The following RAB33A variants were observed in gnomAD, a reference collection of about 807,000 sequenced individuals.
The protein encoded by RAB33A is ras-related protein Rab-33A.
In RAB33A, 6 loss-of-function variants were observed where a neutral mutation model predicts 12.0. The observed-to-expected ratio is 0.50, with a 90% confidence interval of 0.27 to 0.99. The LOEUF (loss-of-function observed/expected upper bound fraction) is 0.99, where lower values mean the gene tolerates loss of function less well. RAB33A is among the 50% of genes least tolerant of loss of function. The pLI, the probability that RAB33A is intolerant of heterozygous loss-of-function variation, is 0.11. For synonymous variants in RAB33A, 70 were observed against 82.4 expected (o/e 0.85, Z 0.81); for missense variants, 109 against 192.0 (o/e 0.57, Z 2.55).
At chrX:130,113,201 C>T in the RAB33A span, among the ~76,000 whole-genome samples, 1 of 104,047 alleles carries the variant, frequency 9.6e-6, no homozygotes, top group Non-Finnish European at 2.0e-5. Flanking sequence ...CTGCCTCAGC[C>T]TCCTGAGTAG....
the RAB33A span, among the ~76,000 whole-genome samples, chrX:130,145,064 A>G: frequency 3.6e-5 from 4 of 112,587 alleles, no homozygotes; most frequent in African/African-American, 1.3e-4. Flanking sequence ...ATACCTGCTA[A>G]TAACTGACCT....
chrX:130,149,565 A>G, the RAB33A span: 12 of 1,186,074 alleles, frequency 1.0e-5, no homozygotes, highest in Non-Finnish European at 1.4e-5. Context: ...ATAGTCTTGT[A>G]GGCCTGCGGA....
the RAB33A span, among the ~76,000 whole-genome samples, chrX:130,110,895 A>G: frequency 2.5e-3 from 198 of 78,262 alleles, no homozygotes; most frequent in Non-Finnish European, 4.0e-3. Context: ...GAAATGCAGT[A>G]GAGACACACA....
chrX:130,157,448 G>C, the RAB33A span, among the ~76,000 whole-genome samples: 1 of 111,699 alleles, frequency 9.0e-6, no homozygotes, highest in South Asian at 3.7e-4. Flanking sequence ...TCAACCTAGA[G>C]CAGCAAATTT....
chrX:130,176,866 G>A (rs913861991), intron 1 of RAB33A, among the ~76,000 whole-genome samples: 6 of 111,665 alleles, frequency 5.4e-5, no homozygotes, highest in African/African-American at 2.0e-4. Flanking sequence ...GGTTACAGAT[G>A]TATTTGTCTC....
the RAB33A span, among the ~76,000 whole-genome samples, chrX:130,142,844 C>T: frequency 9.0e-6 from 1 of 111,131 alleles, no homozygotes; most frequent in African/African-American, 3.3e-5. Flanking sequence ...TGTGTTTTCA[C>T]CATGTTGGCC....
the RAB33A span, among the ~76,000 whole-genome samples, chrX:130,165,346 G>A: frequency 8.9e-6 from 1 of 112,292 alleles, no homozygotes; most frequent in African/African-American, 3.2e-5. Flanking sequence ...CGACTACTGG[G>A]TTCAAATCTC....
At chrX:130,114,301 C>T in the RAB33A span, among the ~76,000 whole-genome samples, 1 of 111,949 alleles carries the variant, frequency 8.9e-6, no homozygotes, top group Non-Finnish European at 1.9e-5. Flanking sequence ...AACCACAGCC[C>T]CATGATCTGC....
At chrX:130,122,609 C>T in the RAB33A span, among the ~76,000 whole-genome samples, 1 of 111,886 alleles carries the variant, frequency 8.9e-6, no homozygotes, top group Admixed American at 9.5e-5. Flanking sequence ...AAGGCTTGGG[C>T]TTATATAGCA....
At chrX:130,166,991 G>A (rs2031543767), upstream of RAB33A, among the ~76,000 whole-genome samples, 2 of 111,933 alleles carry the variant, frequency 1.8e-5, no homozygotes, top group South Asian at 7.3e-4. Flanking sequence ...GACATATACC[G>A]GTCATTGAAA....
chrX:130,138,397 G>A, the RAB33A span, among the ~76,000 whole-genome samples: 19 of 111,376 alleles, frequency 1.7e-4, no homozygotes, highest in African/African-American at 2.0e-4. Flanking sequence ...CCCGGGAAGC[G>A]GAGCTTGCAG....
At chrX:130,165,976 C>T in the RAB33A span, 4 of 332,625 alleles carry the variant, frequency 1.2e-5, no homozygotes, top group East Asian at 1.2e-4. Context: ...CCGGTTTTCG[C>T]GAGTTTGTGG....
chrX:130,155,556 A>T, the RAB33A span, among the ~76,000 whole-genome samples: 1 of 112,415 alleles, frequency 8.9e-6, no homozygotes, highest in Non-Finnish European at 1.9e-5. Flanking sequence ...ACATCAGGGG[A>T]TGAGGATATA....
At chrX:130,147,666 T>A in the RAB33A span, 1 of 1,211,624 alleles carries the variant, frequency 8.3e-7, no homozygotes, top group South Asian at 1.8e-5. Context: ...GCCAAGTCAT[T>A]TAAGGGGCAA....
At chrX:130,132,917 T>G in the RAB33A span, among the ~76,000 whole-genome samples, 2 of 110,262 alleles carry the variant, frequency 1.8e-5, no homozygotes, top group African/African-American at 3.3e-5. Context: ...CAGCTAATTT[T>G]TGTATTTTTA....
the RAB33A span, chrX:130,155,180 T>C: frequency 8.3e-7 from 1 of 1,211,796 alleles, no homozygotes; most frequent in African/African-American, 1.7e-5. Context: ...CCCCAGTGAC[T>C]GTTGCTCCTA....
At chrX:130,147,911 T>A in the RAB33A span, 1 of 1,209,722 alleles carries the variant, frequency 8.3e-7, no homozygotes, top group African/African-American at 1.7e-5. Flanking sequence ...TGAATCTTCT[T>A]GAAGTCTCAG....
chrX:130,144,187 C>T, the RAB33A span, among the ~76,000 whole-genome samples: 1 of 111,152 alleles, frequency 9.0e-6, no homozygotes, highest in Admixed American at 9.6e-5. Context: ...TCTTCATCAT[C>T]ATCATACCAC....
At chrX:130,180,322 G>A (rs900567418) in intron 1 of RAB33A, among the ~76,000 whole-genome samples, 3 of 112,800 alleles carry the variant, frequency 2.7e-5, no homozygotes, top group African/African-American at 6.4e-5. Flanking sequence ...TTCAGAGATC[G>A]GGCACTGGGG....
Sources: allele counts gnomAD v4.1 joint callset (sites outside exome capture counted in the v4.1 genomes callset), GRCh38; gene constraint gnomAD v4.1.1; transcripts MANE v1.5; gene names NCBI Gene and HGNC (gene_info 2026-07-23, HGNC 2026-07-21).